ARB2A: variants seen among roughly 807,000 people sequenced by gnomAD.
ARB2A encodes ARB2 cotranscriptional regulator A, also known as cotranscriptional regulator ARB2A.
chr5:93,765,417 C>T, the ARB2A span, among the ~76,000 whole-genome samples: 1 of 152,038 alleles, frequency 6.6e-6, no homozygotes, highest in Non-Finnish European at 1.5e-5. Context: ...AAACAGAGAG[C>T]CAAATCATGA....
the ARB2A span, among the ~76,000 whole-genome samples, chr5:93,753,672 A>T: frequency 6.6e-6 from 1 of 152,170 alleles, no homozygotes; most frequent in Non-Finnish European, 1.5e-5. Context: ...CATTTACTGT[A>T]TTCTGTTATC....
chr5:93,737,881 T>C, the ARB2A span: 2 of 439,856 alleles, frequency 4.5e-6, no homozygotes, highest in South Asian at 3.3e-5. Flanking sequence ...AACTGTAAAA[T>C]TCATAGAAGA....
At chr5:94,041,291 A>C in the ARB2A span, among the ~76,000 whole-genome samples, 1 of 151,986 alleles carries the variant, frequency 6.6e-6, no homozygotes, top group Non-Finnish European at 1.5e-5. Context: ...ACATGAGCTT[A>C]GGACACCTGT....
At chr5:93,765,428 G>A in the ARB2A span, among the ~76,000 whole-genome samples, 5 of 152,170 alleles carry the variant, frequency 3.3e-5, no homozygotes, top group Admixed American at 6.5e-5. Context: ...CAAATCATGA[G>A]TGAACTCCCA....
At chr5:93,889,260 T>C in the ARB2A span, among the ~76,000 whole-genome samples, 9 of 151,806 alleles carry the variant, frequency 5.9e-5, no homozygotes, top group African/African-American at 2.2e-4. Context: ...ACAATGAAAA[T>C]GTAATGTTTG....
chr5:93,695,857 A>G, the ARB2A span, among the ~76,000 whole-genome samples: 1 of 152,212 alleles, frequency 6.6e-6, no homozygotes, highest in East Asian at 1.9e-4. Context: ...ATGCATCCAT[A>G]AAAAAGGATG....
the ARB2A span, among the ~76,000 whole-genome samples, chr5:93,626,089 C>CAGATGTATAT: frequency 6.6e-6 from 1 of 152,190 alleles, no homozygotes; most frequent in South Asian, 2.1e-4. Flanking sequence ...TTTACTTTGG[C>CAGATGTATAT]AGATGTATAT....
the ARB2A span, among the ~76,000 whole-genome samples, chr5:93,960,090 C>T: frequency 9.6e-5 from 14 of 146,256 alleles, 1 homozygote; most frequent in Admixed American, 5.4e-4. Flanking sequence ...TGCCCCCCCC[C>T]CCCCCAAAAA....
At chr5:93,920,895 T>C in the ARB2A span, among the ~76,000 whole-genome samples, 15 of 152,158 alleles carry the variant, frequency 9.9e-5, no homozygotes, top group Admixed American at 6.5e-5. Flanking sequence ...GTCTCTTCAG[T>C]AAATTGCATA....
At chr5:93,619,062 C>T in the ARB2A span, 2 of 152,116 alleles carry the variant, frequency 1.3e-5, no homozygotes, top group Non-Finnish European at 2.9e-5. Flanking sequence ...ATATTCAATT[C>T]ACATCAATTC....
the ARB2A span, among the ~76,000 whole-genome samples, chr5:93,939,184 C>G: frequency 3.2e-4 from 48 of 152,014 alleles, no homozygotes; most frequent in African/African-American, 1.1e-3. Context: ...TTAAATCAAA[C>G]CTACAAAGTT....
the ARB2A span, chr5:93,804,850 T>C: frequency 1.3e-6 from 1 of 761,204 alleles, no homozygotes; most frequent in Non-Finnish European, 1.6e-6. Context: ...TTTGAAAAAT[T>C]TGAAATTTGT....
At chr5:93,643,827 G>T in the ARB2A span, among the ~76,000 whole-genome samples, 1 of 152,090 alleles carries the variant, frequency 6.6e-6, no homozygotes, top group Non-Finnish European at 1.5e-5. Context: ...TAAGCAAATC[G>T]ATTTTAAGTT....
the ARB2A span, among the ~76,000 whole-genome samples, chr5:93,766,594 C>A: frequency 6.6e-6 from 1 of 152,122 alleles, no homozygotes; most frequent in African/African-American, 2.4e-5. Flanking sequence ...GTTGGTGGGA[C>A]TGTAAACTAG....
chr5:94,007,529 T>C, the ARB2A span, among the ~76,000 whole-genome samples: 3 of 152,096 alleles, frequency 2.0e-5, no homozygotes, highest in Non-Finnish European at 4.4e-5. Flanking sequence ...TCCTAGCACT[T>C]TGGGAGGCCA....
chr5:93,810,183 TG>T, the ARB2A span, among the ~76,000 whole-genome samples: 1 of 151,882 alleles, frequency 6.6e-6, no homozygotes, highest in Non-Finnish European at 1.5e-5. Flanking sequence ...AAATTTTCGT[TG>T]TGTAGGTTTC....
the ARB2A span, among the ~76,000 whole-genome samples, chr5:94,089,865 A>G: frequency 6.6e-6 from 1 of 152,206 alleles, no homozygotes; most frequent in East Asian, 1.9e-4. Flanking sequence ...AAGTTCTGAA[A>G]TAATTCCAAA....
At chr5:93,958,087 C>CATAA in the ARB2A span, among the ~76,000 whole-genome samples, 1 of 151,674 alleles carries the variant, frequency 6.6e-6, no homozygotes, top group Non-Finnish European at 1.5e-5. Flanking sequence ...TAAAATATGC[C>CATAA]AATATTATGT....
the ARB2A span, among the ~76,000 whole-genome samples, chr5:93,691,372 G>A: frequency 1.3e-5 from 2 of 151,930 alleles, no homozygotes; most frequent in Admixed American, 6.6e-5. Flanking sequence ...CAAGAACTTC[G>A]TGAAGCATAT....
Sources: allele counts gnomAD v4.1 joint callset (sites outside exome capture counted in the v4.1 genomes callset), GRCh38; gene constraint gnomAD v4.1.1; transcripts MANE v1.5; gene names NCBI Gene and HGNC (gene_info 2026-07-23, HGNC 2026-07-21).